CHST9: variants seen among roughly 807,000 people sequenced by gnomAD.
CHST9 encodes GalNAc-4-sulfotransferase 2.
CHST9 carries 41 observed loss-of-function variants against 44.4 expected under a neutral mutation model. The ratio of observed to expected loss-of-function variants is 0.92; its 90% CI spans 0.72 to 1.20. The LOEUF is 1.20. Among genes scored for constraint, CHST9 ranks in the 50% most tolerant of loss-of-function variants. The pLI, the probability that CHST9 is intolerant of heterozygous loss-of-function variation, is 0.00. For synonymous variants in CHST9, 171 were observed against 178.4 expected, an observed-to-expected ratio of 0.96 and a Z score of 0.33; for missense variants, 504 against 516.5, an observed-to-expected ratio of 0.98 and a Z score of 0.23.
At chr18:26,975,723 GTGTA>G (rs1186659420) in intron 4 of CHST9, among the ~76,000 whole-genome samples, 109 of 59,340 alleles carry the variant, frequency 1.8e-3, no homozygotes, top group African/African-American at 4.3e-3. Context: ...GTGTGTGTGT[GTGTA>G]TATATATATA....
intron 2 of CHST9, among the ~76,000 whole-genome samples, chr18:27,141,213 A>C (rs1295901889): frequency 6.6e-6 from 1 of 152,022 alleles, no homozygotes; most frequent in African/African-American, 2.4e-5. Context: ...AAAAAAAAAG[A>C]AATTAGCCGG....
intron 2 of CHST9, among the ~76,000 whole-genome samples, chr18:27,050,731 G>T (rs1348642810): frequency 6.6e-6 from 1 of 152,160 alleles, no homozygotes; most frequent in Non-Finnish European, 1.5e-5. Flanking sequence ...ATTATGAAGT[G>T]TGACAGGGTA....
intron 4 of CHST9, among the ~76,000 whole-genome samples, chr18:26,950,433 G>A (rs907191569): frequency 6.6e-6 from 1 of 152,146 alleles, no homozygotes; most frequent in East Asian, 1.9e-4. Flanking sequence ...CAGGTTTTTA[G>A]CAGCACAATT....
intron 2 of CHST9, among the ~76,000 whole-genome samples, chr18:27,125,882 A>G (rs536503375): frequency 3.0e-4 from 46 of 152,368 alleles, no homozygotes; most frequent in African/African-American, 1.1e-3. Flanking sequence ...GTGAGTTTCA[A>G]TATTCTCCAA....
chr18:26,923,654 A>G (rs143736232), intron 5 of CHST9, among the ~76,000 whole-genome samples: 149 of 152,318 alleles, frequency 9.8e-4, no homozygotes, highest in Non-Finnish European at 5.4e-4. Flanking sequence ...TTACTACTGT[A>G]TGTTGTTTTA....
chr18:27,044,064 C>CA (rs921078866), intron 3 of CHST9, among the ~76,000 whole-genome samples: 1 of 149,216 alleles, frequency 6.7e-6, no homozygotes, highest in Non-Finnish European at 1.5e-5. Flanking sequence ...AGCCCTTCCC[C>CA]CCCCTTTATT....
intron 4 of CHST9, among the ~76,000 whole-genome samples, chr18:26,995,154 T>C (rs1014952494): frequency 3.4e-5 from 5 of 149,102 alleles, no homozygotes; most frequent in African/African-American, 1.2e-4. Flanking sequence ...TGCAGCCCAG[T>C]GGCTCACGCC....
At chr18:26,918,648 T>C (rs982879469) in intron 5 of CHST9, among the ~76,000 whole-genome samples, 3 of 152,146 alleles carry the variant, frequency 2.0e-5, no homozygotes, top group African/African-American at 7.2e-5. Context: ...AATGAATGAA[T>C]GGAATTAGGT....
intron 1 of CHST9, among the ~76,000 whole-genome samples, chr18:27,150,433 C>T (rs1365782300): frequency 1.3e-5 from 2 of 152,194 alleles, no homozygotes; most frequent in Non-Finnish European, 2.9e-5. Flanking sequence ...CATAGATTGG[C>T]ACCTTAGTCC....
chr18:27,136,358 T>C (rs966225542), intron 2 of CHST9, among the ~76,000 whole-genome samples: 1 of 152,176 alleles, frequency 6.6e-6, no homozygotes, highest in Non-Finnish European at 1.5e-5. Context: ...GAATGTGGTG[T>C]GGTCTGGAAG....
intron 2 of CHST9, among the ~76,000 whole-genome samples, chr18:27,126,805 C>T (rs534441371): frequency 1.5e-4 from 23 of 151,978 alleles, no homozygotes; most frequent in South Asian, 4.2e-4. Context: ...GGCAAGGTCA[C>T]GGGATGGGGA....
At chr18:27,090,775 T>G (rs2058060551) in intron 2 of CHST9, among the ~76,000 whole-genome samples, 1 of 152,336 alleles carries the variant, frequency 6.6e-6, no homozygotes, top group South Asian at 2.1e-4. Flanking sequence ...GTGTTATTTC[T>G]GAGGCCTCTG....
In CHST9 at chr18:27,024,117, G is replaced by A; in HGVS notation, c.201C>T (p.Ile67=). The A allele has an allele frequency of 6.2e-7, 1 of 1,612,286 alleles. No individual in the cohort carries two copies. ...PVKYLRPVPR[I]MSTEKIQEHI... ...AAACATTATGAGGAAGTTACTCACT[G>A]ATTCTGGGTACAGGCCGCAAGTACT... is the stretch of plus-strand genomic sequence containing the variant. The change falls in exon 4 of 6, where the codon ATC becomes ATT. Residue 67 remains isoleucine (I), a splice_region_variant and synonymous_variant. Transcript: ENST00000618847.
intron 3 of CHST9, among the ~76,000 whole-genome samples, chr18:27,035,585 A>G (rs1174399975): frequency 1.3e-5 from 2 of 152,090 alleles, no homozygotes; most frequent in African/African-American, 4.8e-5. Flanking sequence ...TGCATTATAT[A>G]TAATGCATAC....
chr18:27,118,566 C>T (rs557215704), intron 2 of CHST9, among the ~76,000 whole-genome samples: 21 of 152,324 alleles, frequency 1.4e-4, no homozygotes, highest in Middle Eastern at 6.8e-3. Context: ...GGCTGAAAAG[C>T]CAGATTTAAG....
At chr18:26,995,060 C>T (rs959322948) in intron 4 of CHST9, among the ~76,000 whole-genome samples, 1 of 151,868 alleles carries the variant, frequency 6.6e-6, no homozygotes, top group Non-Finnish European at 1.5e-5. Flanking sequence ...CGGAGGGTCC[C>T]ATGTGACTGA....
intron 1 of CHST9, among the ~76,000 whole-genome samples, chr18:27,184,586 C>G (rs527437355): frequency 3.3e-5 from 5 of 152,242 alleles, no homozygotes; most frequent in Admixed American, 2.6e-4. Context: ...TCCCACCTCT[C>G]CCGCAGCCTG....
At chr18:27,167,854 A>T (rs1012561483) in intron 1 of CHST9, among the ~76,000 whole-genome samples, 1 of 152,152 alleles carries the variant, frequency 6.6e-6, no homozygotes, top group Non-Finnish European at 1.5e-5. Flanking sequence ...AGGTTTCCAA[A>T]TAGTGAATCC....
At chr18:26,999,553 CAT>C (rs1212211016) in intron 4 of CHST9, among the ~76,000 whole-genome samples, 6 of 151,878 alleles carry the variant, frequency 4.0e-5, no homozygotes, top group Admixed American at 3.9e-4. Flanking sequence ...AAAGTAATTA[CAT>C]GTTTTGTAAG....
Sources: allele counts gnomAD v4.1 joint callset (sites outside exome capture counted in the v4.1 genomes callset), GRCh38; gene constraint gnomAD v4.1.1; transcripts MANE v1.5; gene names NCBI Gene and HGNC (gene_info 2026-07-23, HGNC 2026-07-21).